IGFL2: variants seen among roughly 807,000 people sequenced by gnomAD.
IGFL2 encodes IGF like family member 2.
Under a neutral mutation model 13.9 loss-of-function variants are expected in IGFL2, and 7 were observed. The observed-to-expected ratio is 0.51, with a 90% CI of 0.29 to 0.95. The LOEUF is 0.95. Among genes scored for constraint, IGFL2 ranks in the 40% least tolerant of loss-of-function variants. The pLI, the probability that IGFL2 is intolerant of heterozygous loss-of-function variation, is 0.08. For synonymous variants in IGFL2, 55 were observed against 55.8 expected (o/e 0.99, Z 0.07); for missense variants, 138 against 147.8 (o/e 0.93, Z 0.34).
the IGFL2 span, among the ~76,000 whole-genome samples, chr19:46,184,289 C>CT: frequency 4.6e-5 from 7 of 150,982 alleles, no homozygotes; most frequent in Non-Finnish European, 8.8e-5. Flanking sequence ...TTTAATTATA[C>CT]TTTAAGTTCT....
At chr19:46,147,596 G>A (rs1018994975), upstream of IGFL2, among the ~76,000 whole-genome samples, 7 of 152,146 alleles carry the variant, frequency 4.6e-5, no homozygotes, top group Admixed American at 2.0e-4. Context: ...ACCAATAGGC[G>A]ACGTCTGGGA....
intron 1 of IGFL2, chr19:46,149,086 C>G (rs1333104982): frequency 6.9e-6 from 10 of 1,453,116 alleles, no homozygotes; most frequent in Non-Finnish European, 9.5e-6. Context: ...TGTGTGTATT[C>G]CATCAAGATG....
chr19:46,186,084 G>A, the IGFL2 span, among the ~76,000 whole-genome samples: 2 of 152,150 alleles, frequency 1.3e-5, no homozygotes, highest in Non-Finnish European at 2.9e-5. Flanking sequence ...AGGAAGTCTC[G>A]AGGTGAGTGT....
At chr19:46,149,749 TG>T (rs1199696048) in intron 1 of IGFL2, among the ~76,000 whole-genome samples, 1 of 152,220 alleles carries the variant, frequency 6.6e-6, no homozygotes, top group East Asian at 1.9e-4. Context: ...ATTGTATCCA[TG>T]TATCAGCATT....
At chr19:46,183,535 G>C in the IGFL2 span, among the ~76,000 whole-genome samples, 1 of 147,328 alleles carries the variant, frequency 6.8e-6, no homozygotes, top group Non-Finnish European at 1.5e-5. Context: ...CCTTTCTGCA[G>C]ACTTTTTTTT....
intron 1 of IGFL2, among the ~76,000 whole-genome samples, chr19:46,158,767 G>A (rs569470138): frequency 6.6e-6 from 1 of 152,260 alleles, no homozygotes; most frequent in African/African-American, 2.4e-5. Flanking sequence ...CAACGTGCAT[G>A]GGAGGCTAAG....
chr19:46,199,140 G>A, the IGFL2 span, among the ~76,000 whole-genome samples: 1 of 152,218 alleles, frequency 6.6e-6, no homozygotes, highest in Non-Finnish European at 1.5e-5. Flanking sequence ...GGCAGCAGTT[G>A]GAGGCCTGTG....
the IGFL2 span, among the ~76,000 whole-genome samples, chr19:46,202,206 G>A: frequency 6.2e-3 from 946 of 152,278 alleles, 10 homozygotes; most frequent in African/African-American, 0.022. Context: ...GAACTGATGT[G>A]TAAAAGGATG....
At chr19:46,128,980 T>G in the IGFL2 span, among the ~76,000 whole-genome samples, 13 of 152,310 alleles carry the variant, frequency 8.5e-5, no homozygotes, top group East Asian at 2.5e-3. Context: ...GTCTTGGAAA[T>G]TTTTTGGTTG....
chr19:46,079,195 G>A, the IGFL2 span, among the ~76,000 whole-genome samples: 323 of 152,396 alleles, frequency 2.1e-3, 2 homozygotes, highest in Middle Eastern at 6.8e-3. Context: ...CGCAGTAACT[G>A]CCTTGGTGTC....
At chr19:46,155,022 A>G (rs886916557) in intron 1 of IGFL2, among the ~76,000 whole-genome samples, 1 of 151,712 alleles carries the variant, frequency 6.6e-6, no homozygotes, top group Admixed American at 6.6e-5. Context: ...TACAGCTAGA[A>G]CACTGGGAGG....
the IGFL2 span, among the ~76,000 whole-genome samples, chr19:46,094,250 G>A: frequency 6.6e-6 from 1 of 152,008 alleles, no homozygotes. Flanking sequence ...TTGATGGAAT[G>A]TAATGGAATA....
chr19:46,091,181 A>C, the IGFL2 span, among the ~76,000 whole-genome samples: 1 of 152,196 alleles, frequency 6.6e-6, no homozygotes, highest in African/African-American at 2.4e-5. Flanking sequence ...AGAGAGTCCT[A>C]ATGCACCATC....
At chr19:46,102,828 G>T in the IGFL2 span, among the ~76,000 whole-genome samples, 1 of 152,112 alleles carries the variant, frequency 6.6e-6, no homozygotes, top group Non-Finnish European at 1.5e-5. Flanking sequence ...AAATATTTTT[G>T]GGGGTGGTAT....
At chr19:46,144,705 T>C (rs764568211), upstream of IGFL2, among the ~76,000 whole-genome samples, 2 of 152,192 alleles carry the variant, frequency 1.3e-5, no homozygotes, top group Non-Finnish European at 2.9e-5. Context: ...TTGACTGTTT[T>C]CTATGCACAA....
At chr19:46,124,249 T>C in the IGFL2 span, 1 of 1,609,942 alleles carries the variant, frequency 6.2e-7, no homozygotes, top group Non-Finnish European at 8.5e-7. Flanking sequence ...CTCCTCATTT[T>C]TCCCTGTCCT....
At chr19:46,118,023 C>A in the IGFL2 span, among the ~76,000 whole-genome samples, 1 of 152,146 alleles carries the variant, frequency 6.6e-6, no homozygotes, top group South Asian at 2.1e-4. Flanking sequence ...TTTTATCCAC[C>A]CAGAATTAAC....
At chr19:46,148,916 C>G in intron 1 of IGFL2, 1 of 1,552,456 alleles carries the variant, frequency 6.4e-7, no homozygotes, top group Non-Finnish European at 8.7e-7. Context: ...ATCCTGCCCT[C>G]GAACCAGACC....
the IGFL2 span, among the ~76,000 whole-genome samples, chr19:46,100,360 G>A: frequency 4.0e-4 from 61 of 152,222 alleles, no homozygotes; most frequent in Middle Eastern, 6.8e-3. Context: ...GGATGCACCC[G>A]GGAAACAGGT....
Sources: gnomAD v4.1 joint callset for allele counts (sites outside exome capture counted in the v4.1 genomes callset) on GRCh38, gnomAD v4.1.1 for gene constraint, MANE v1.5 for transcripts, NCBI Gene and HGNC (gene_info 2026-07-23, HGNC 2026-07-21) for gene names.